Variants in DCPS observed in about 807,000 individuals in gnomAD.
DCPS encodes the protein decapping enzyme, scavenger, also known as m7GpppX diphosphatase.
A neutral mutation model predicts 34.7 loss-of-function variants in DCPS; 27 were observed. The ratio of observed to expected loss-of-function variants is 0.78; its 90% confidence interval spans 0.57 to 1.07. The LOEUF is 1.07. DCPS is among the 50% of genes least tolerant of loss of function. DCPS has a pLI of 0.00. For missense variants in DCPS, 464 were observed against 436.9 expected (o/e 1.06, Z -0.55); for synonymous variants, 185 against 185.7 (o/e 1.00, Z 0.03).
At chr11:126,307,701 C>G (rs1000962034) in intron 2 of DCPS, among the ~76,000 whole-genome samples, 4 of 152,106 alleles carry the variant, frequency 2.6e-5, no homozygotes, top group Non-Finnish European at 5.9e-5. Flanking sequence ...GCCACCGTGC[C>G]CAGCCAGAAT....
rs1013306217 is a variant in DCPS at position 126,336,955 on chromosome 11, C to T, written c.523-1331C>T. ...CTGTGGGTAGAGAGTTGCAGGAGAC[C>T]TCGAGGCCCAGCTGCCCTCTCCCCC... On this transcript the variant is annotated intron_variant, in intron 3 of 5. Transcript: ENST00000263579. The surrounding 1 kb of genome is among the most constrained non-coding windows in gnomAD (Gnocchi z 6.3). 2 of 152,324 alleles carry T rather than the reference C, an allele frequency of 1.3e-5. No individual in the cohort carries two copies. The highest frequency in any genetic ancestry group is 2.9e-5 in the Non-Finnish European group (2 of 68,208). The allele number at this position is 152,324 out of a possible 1,614,324, so 9.4% of individuals were successfully genotyped here.
In DCPS at chr11:126,333,805, G is replaced by A. The variant is rs776877220; in HGVS notation, c.522+2255G>A. Among the ~76,000 whole-genome samples, 7 of 152,078 alleles carry A rather than the reference G, an allele frequency of 4.6e-5. No homozygotes were observed. The highest frequency in any genetic ancestry group is 2.1e-4 in the South Asian group (1 of 4,828). ...TTGCCTGGGGGTTTTCATAAATACC[G>A]AGCACAGAGCACTATTCCATATCTG... is the stretch of plus-strand genomic sequence containing the variant. On this transcript the variant is annotated intron_variant, in intron 3 of 5. Transcript: ENST00000263579. The surrounding 1 kb of genome is among the most constrained non-coding windows in gnomAD (Gnocchi z 5.7).
rs1951629393 is a variant in DCPS at position 126,312,935 on chromosome 11, C to T, written c.376+6191C>T. 6.6e-6 allele frequency among the ~76,000 whole-genome samples: 1 copy of T among 152,088 alleles called. No homozygotes were observed. Among genetic ancestry groups the T allele is most frequent in the South Asian group, 2.1e-4 (1 of 4,830 alleles). On this transcript the variant is annotated intron_variant, in intron 2 of 5. Transcript: ENST00000263579. The surrounding 1 kb of genome is among the most constrained non-coding windows in gnomAD (Gnocchi z 5.1). Reference sequence around the variant, plus strand: ...TGGCACATGTGAGGAGCTAATGGCCCGAAGGCTGGCACCTGAGAGCTTCCT... The same window carrying T: ...TGGCACATGTGAGGAGCTAATGGCCTGAAGGCTGGCACCTGAGAGCTTCCT...
Position 126,322,250 on chromosome 11 carries a change from A to G in DCPS, c.377-9155A>G, listed in dbSNP as rs1336403809. On this transcript the variant is annotated intron_variant, in intron 2 of 5. Coordinates refer to ENST00000263579, the MANE Select transcript of DCPS (RefSeq NM_014026.6). The surrounding 1 kb of genome is among the most constrained non-coding windows in gnomAD (Gnocchi z 4.2). The stretch of plus-strand genomic sequence containing the variant: ...CAGACTCCACAACAACAGCATTCAG[A>G]TCTTCTTATTTTTATTTATTTTTAT... Among the ~76,000 whole-genome samples, 1 of 151,226 alleles carries G rather than the reference A, an allele frequency of 6.6e-6. No homozygotes were observed. The highest frequency in any genetic ancestry group is 1.5e-5 in the Non-Finnish European group (1 of 67,766).
rs932620413 is a variant in DCPS, at chr11:126,346,712, G to A, written c.*1099G>A. ...TGGCAGGCTCCTAAGTGACAGCAGGGGGGAAGCTTGAGGCACAGTGGGTGG... is the reference window on the plus strand; with the variant it reads ...TGGCAGGCTCCTAAGTGACAGCAGGAGGGAAGCTTGAGGCACAGTGGGTGG... On this transcript the variant is annotated 3_prime_UTR_variant, in exon 6 of 6. Transcript: ENST00000263579. This position sits in a 1 kb window ranked among gnomAD's most constrained non-coding sequence, Gnocchi z 4.1. Among the ~76,000 whole-genome samples the A allele has an allele frequency of 6.6e-6, 1 of 152,180 alleles. No homozygotes were observed. Among genetic ancestry groups the A allele is most frequent in the African/African-American group, 2.4e-5 (1 of 41,446 alleles).
rs574602371 is a variant in DCPS, at chr11:126,349,090, G to A, written c.*3477G>A. Among the ~76,000 whole-genome samples the A allele has an allele frequency of 1.3e-5, 2 of 152,196 alleles. No homozygotes were observed. Among genetic ancestry groups the A allele is most frequent in the African/African-American group, 2.4e-5 (1 of 41,448 alleles). ...CCTCCTGGATCTCACGCAGGGGATG[G>A]AGAGTAAGGACCAGCCCCTCTACCT... is the stretch of plus-strand genomic sequence containing the variant. On this transcript the variant is annotated 3_prime_UTR_variant, in exon 6 of 6. Coordinates refer to ENST00000263579, the MANE Select transcript of DCPS (RefSeq NM_014026.6). This position sits in a 1 kb window ranked among gnomAD's most constrained non-coding sequence, Gnocchi z 5.4.
At position 126,328,200 on chromosome 11, in the gene DCPS, G is replaced by A. The variant is rs1951754910; in HGVS notation, c.377-3205G>A. ...CGGGAGAGAGGCAGTGCATGAAGGT[G>A]GAAAGAGGGCCAGGGCGAGGTGACC... On this transcript the variant is annotated intron_variant, in intron 2 of 5. Transcript: ENST00000263579. The surrounding 1 kb of genome is among the most constrained non-coding windows in gnomAD (Gnocchi z 6.6). Among the ~76,000 whole-genome samples, 2 of 152,222 alleles carry A rather than the reference G, an allele frequency of 1.3e-5. No homozygotes were observed. Among genetic ancestry groups the A allele is most frequent in the South Asian group, 4.1e-4 (2 of 4,834 alleles).
chr11:126,310,343 G>A (rs78340587), intron 2 of DCPS, among the ~76,000 whole-genome samples: 18,984 of 152,182 alleles, frequency 0.12, 1,250 homozygotes, highest in African/African-American at 0.16. Flanking sequence ...AATCCGATGC[G>A]CTAATGTACT....
chr11:126,306,688 A>G lies in DCPS; in HGVS notation c.320A>G (p.Gln107Arg), dbSNP rs1408626887. Residue 107 changes from glutamine to arginine, a missense_variant, in exon 2 of 6, where the codon CAG (glutamine) becomes CGG (arginine). Coordinates refer to ENST00000263579, the MANE Select transcript of DCPS (RefSeq NM_014026.6). Reference sequence around the variant, plus strand: ...ACGGGCAGCCCTGAGCTCCAGTTGCAGTTCTCCAATGATATCTACAGCACC... The same window carrying G: ...ACGGGCAGCCCTGAGCTCCAGTTGCGGTTCTCCAATGATATCTACAGCACC... ...LLTGSPELQL[Q>R]FSNDIYSTYH... is the part of the protein sequence containing the mutation. The G allele has an allele frequency of 1.2e-6, 2 of 1,613,676 alleles. No individual in the cohort carries two copies. The highest frequency in any genetic ancestry group is 1.1e-5 in the South Asian group (1 of 91,070).
rs1284024596 is a variant in DCPS, at chr11:126,319,674, G to A, written c.377-11731G>A. 1.3e-5 allele frequency among the ~76,000 whole-genome samples: 2 copies of A among 152,196 alleles called. No individual in the cohort carries two copies. The highest frequency in any genetic ancestry group is 2.4e-5 in the African/African-American group (1 of 41,454). On this transcript the variant is annotated intron_variant, in intron 2 of 5. Transcript: ENST00000263579. This position sits in a 1 kb window ranked among gnomAD's most constrained non-coding sequence, Gnocchi z 4.5. ...ACAGCTGTTTACGTGTCTCTAGGAA[G>A]AATTGGAACTAGTCATGTTTCTCCT...
In DCPS at chr11:126,329,219, A is replaced by G. The variant is rs1274125609; in HGVS notation, c.377-2186A>G. Among the ~76,000 whole-genome samples, 4 of 152,230 alleles carry G rather than the reference A, an allele frequency of 2.6e-5. No homozygotes were observed. The East Asian group carries it at 5.8e-4, about 22-fold the overall frequency. ...TAGAGAACAGAGTGAGAAGCAAGAA[A>G]GAGTCTTTTGCTGCTCCTCAGAGAG... On this transcript the variant is annotated intron_variant, in intron 2 of 5. Transcript: ENST00000263579. The surrounding 1 kb of genome is among the most constrained non-coding windows in gnomAD (Gnocchi z 5.0).
At chr11:126,318,157 G>A (rs1159452140) in intron 2 of DCPS, among the ~76,000 whole-genome samples, 2 of 152,212 alleles carry the variant, frequency 1.3e-5, no homozygotes, top group African/African-American at 4.8e-5. Flanking sequence ...GTCAGCGTCT[G>A]CCTCTCCTCT....
intron 2 of DCPS, among the ~76,000 whole-genome samples, chr11:126,330,651 C>T (rs1169957292): frequency 7.1e-6 from 1 of 140,346 alleles, no homozygotes; most frequent in Non-Finnish European, 1.5e-5. Context: ...CGCTCTGCTG[C>T]ACTGCCCATC....
At chr11:126,343,815 C>G (rs1306121556) in intron 5 of DCPS, among the ~76,000 whole-genome samples, 1 of 152,210 alleles carries the variant, frequency 6.6e-6, no homozygotes, top group Non-Finnish European at 1.5e-5. Flanking sequence ...CGTGTGTCTC[C>G]TTGTCTAGAT....
rs916823388 is a variant in DCPS, at chr11:126,347,014, C to T, written c.*1401C>T. Among the ~76,000 whole-genome samples, 10 of 151,710 alleles carry T rather than the reference C, an allele frequency of 6.6e-5. No individual in the cohort carries two copies. Among genetic ancestry groups the T allele is most frequent in the South Asian group, 2.1e-4 (1 of 4,778 alleles). ...CTGAAGCAGGAGAATCCCTTGAACC[C>T]GGGAGGCGGAGGTTGCCGTGAGCCA... On this transcript the variant is annotated 3_prime_UTR_variant, in exon 6 of 6. Coordinates refer to ENST00000263579, the MANE Select transcript of DCPS (RefSeq NM_014026.6). This position sits in a 1 kb window ranked among gnomAD's most constrained non-coding sequence, Gnocchi z 4.2.
At chr11:126,306,489 G>GC in intron 1 of DCPS, 81 bp from the exon 2 acceptor site, 1 of 1,400,098 alleles carries the variant, frequency 7.1e-7, no homozygotes, top group Non-Finnish European at 9.5e-7. Context: ...GAATTCAAAG[G>GC]CCCTGGGAGC....
intron 2 of DCPS, among the ~76,000 whole-genome samples, chr11:126,316,638 T>G (rs1452090009): frequency 2.3e-5 from 3 of 127,924 alleles, no homozygotes; most frequent in African/African-American, 9.8e-5. Context: ...CTTGATTAGC[T>G]GAAGTACATT....
chr11:126,340,894 TTTTA>T (rs1017737723), intron 4 of DCPS: 1 of 152,232 alleles, frequency 6.6e-6, no homozygotes, highest in Non-Finnish European at 1.5e-5. Context: ...TGTTCTTTTT[TTTTA>T]TTTGTTTATT....
At position 126,323,396 on chromosome 11, in the gene DCPS, ATAT is replaced by A. The variant is rs1399796186; in HGVS notation, c.377-8005_377-8003del. On this transcript the variant is annotated intron_variant, in intron 2 of 5. Transcript: ENST00000263579. This position sits in a 1 kb window ranked among gnomAD's most constrained non-coding sequence, Gnocchi z 4.4. ...AAACATTGTGTTTATTTCCATTGTAATATTATATATGCAAGCTGATGCATGTAT... is the reference window on the plus strand; with the variant it reads ...AAACATTGTGTTTATTTCCATTGTAATATATATGCAAGCTGATGCATGTAT... 1.3e-5 allele frequency among the ~76,000 whole-genome samples: 2 copies of A among 152,300 alleles called. No individual in the cohort carries two copies. The highest frequency in any genetic ancestry group is 3.9e-4 in the East Asian group (2 of 5,190).
Sources: gnomAD v4.1 joint callset for allele counts (sites outside exome capture counted in the v4.1 genomes callset) on GRCh38, gnomAD v4.1.1 for gene constraint, Gnocchi (gnomAD v3.1) non-coding constraint, MANE v1.5 for transcripts, NCBI Gene and HGNC (gene_info 2026-07-23, HGNC 2026-07-21) for gene names.